Variants in SRGAP2B observed in about 807,000 individuals in gnomAD.
SRGAP2B encodes the protein SLIT-ROBO Rho GTPase activating protein 2B.
A neutral mutation model predicts 22.2 loss-of-function variants in SRGAP2B; 9 were observed. The ratio of observed to expected loss-of-function variants is 0.41; its 90% CI spans 0.24 to 0.71. SRGAP2B has a LOEUF of 0.71. SRGAP2B is among the 30% of genes least tolerant of loss of function. The probability of loss-of-function intolerance (pLI) is 0.35; values close to 1 mark genes in which losing one functional copy is unlikely to be tolerated. For synonymous variants in SRGAP2B, 36 were observed against 87.4 expected (o/e 0.41, Z 3.28); for missense variants, 114 against 235.8 (o/e 0.48, Z 3.38).
At position 144,923,315 on chromosome 1, in the gene SRGAP2B, T is replaced by G. The variant is rs587756392; in HGVS notation, c.424-8561A>C. ...CTTGGCAAATTTCCATCTTTTACCCTTTTGGATAATGATTTGGCTGGGGGC... is the reference window on the plus strand; with the variant it reads ...CTTGGCAAATTTCCATCTTTTACCCGTTTGGATAATGATTTGGCTGGGGGC... On this transcript the variant is annotated intron_variant, in intron 4 of 9. Transcript: ENST00000612199. Among the ~76,000 whole-genome samples the G allele has an allele frequency of 2.9e-4, 44 of 150,928 alleles. 2 individuals carry two copies. The highest frequency in any genetic ancestry group is 1.1e-3 in the African/African-American group (44 of 40,408).
Position 144,971,866 on chromosome 1 carries a change from G to T in SRGAP2B, c.261-16265C>A, listed in dbSNP as rs587651982. 9.6e-4 allele frequency among the ~76,000 whole-genome samples: 145 copies of T among 150,828 alleles called. 9 individuals are homozygous for T. The highest frequency in any genetic ancestry group is 3.4e-3 in the African/African-American group (136 of 40,334). On this transcript the variant is annotated intron_variant, in intron 3 of 9. Coordinates refer to ENST00000612199, the Ensembl canonical transcript of SRGAP2B. ...ATCACACAGACAGTGGTGGAGCAGG[G>T]CAAGAATCCAGGTCTCCTGACTAGT...
At chr1:144,956,814 A>C (rs1388058975) in intron 3 of SRGAP2B, among the ~76,000 whole-genome samples, 1 of 148,842 alleles carries the variant, frequency 6.7e-6, no homozygotes, top group South Asian at 2.1e-4. Flanking sequence ...CTCAGCATTA[A>C]CTTAAGCAAC....
intron 2 of SRGAP2B, among the ~76,000 whole-genome samples, chr1:145,068,554 G>A (rs1228913526): frequency 2.0e-5 from 2 of 101,472 alleles, no homozygotes; most frequent in East Asian, 2.6e-4. Flanking sequence ...AGGCATTTCC[G>A]TAATTAATTA....
At chr1:144,956,086 G>A (rs7523698) in intron 3 of SRGAP2B, among the ~76,000 whole-genome samples, 1 of 149,940 alleles carries the variant, frequency 6.7e-6, no homozygotes, top group Non-Finnish European at 1.5e-5. Flanking sequence ...CAGGTCTAAG[G>A]TGATTCTGAA....
intron 2 of SRGAP2B, among the ~76,000 whole-genome samples, chr1:145,009,164 G>A (rs1416944755): frequency 1.5e-5 from 2 of 135,650 alleles, no homozygotes; most frequent in African/African-American, 3.0e-5. Flanking sequence ...GCGACAGAGC[G>A]AGACTCCGTC....
intron 4 of SRGAP2B, among the ~76,000 whole-genome samples, chr1:144,925,811 A>T (rs1553604962): frequency 7.3e-6 from 1 of 137,314 alleles, no homozygotes; most frequent in African/African-American, 2.8e-5. Context: ...AGAAAGAAAG[A>T]AAGGAATCTA....
At chr1:144,984,362 C>CAACA (rs1338734055) in intron 3 of SRGAP2B, among the ~76,000 whole-genome samples, 1 of 111,086 alleles carries the variant, frequency 9.0e-6, no homozygotes, top group East Asian at 2.3e-4. Flanking sequence ...ACAACAACAA[C>CAACA]AACAAAAAAA....
chr1:144,929,665 A>AT (rs1665031009), intron 4 of SRGAP2B, among the ~76,000 whole-genome samples: 1 of 151,422 alleles, frequency 6.6e-6, no homozygotes, highest in Non-Finnish European at 1.5e-5. Flanking sequence ...GCCAAACATC[A>AT]TAATGAAAAA....
chr1:144,966,950 A>G (rs1668131159), intron 3 of SRGAP2B, among the ~76,000 whole-genome samples: 1 of 142,136 alleles, frequency 7.0e-6, no homozygotes, highest in Non-Finnish European at 1.5e-5. Context: ...ACTATCCTAA[A>G]TATATATGCA....
At position 144,975,357 on chromosome 1, in the gene SRGAP2B, T is replaced by C. The variant is rs587700415; in HGVS notation, c.260+19651A>G. On this transcript the variant is annotated intron_variant, in intron 3 of 9. Transcript: ENST00000612199. ...CTCCAAAACTCATGTTGAAATTTGATTGCAATTGCAAGTGGTATTGAGAGG... is the reference window on the plus strand; with the variant it reads ...CTCCAAAACTCATGTTGAAATTTGACTGCAATTGCAAGTGGTATTGAGAGG... 4.8e-4 allele frequency among the ~76,000 whole-genome samples: 72 copies of C among 149,608 alleles called. 3 individuals are homozygous for C. The highest frequency in any genetic ancestry group is 1.8e-3 in the African/African-American group (70 of 39,168).
chr1:144,988,687 C>T (rs1669938608), intron 3 of SRGAP2B, among the ~76,000 whole-genome samples: 1 of 148,872 alleles, frequency 6.7e-6, no homozygotes, highest in Non-Finnish European at 1.5e-5. Flanking sequence ...CACTTTTACT[C>T]CGAAGATTCT....
At chr1:144,999,223 C>T (rs1230547648) in intron 2 of SRGAP2B, among the ~76,000 whole-genome samples, 2 of 150,314 alleles carry the variant, frequency 1.3e-5, no homozygotes, top group African/African-American at 5.0e-5. Context: ...GGGGTCCTTG[C>T]CAGTTCCTTC....
intron 2 of SRGAP2B, among the ~76,000 whole-genome samples, chr1:145,021,723 A>G (rs1190813033): frequency 6.7e-6 from 1 of 149,420 alleles, no homozygotes; most frequent in East Asian, 1.9e-4. Flanking sequence ...CTGACGCAGG[A>G]GAATCTCTTG....
rs183477571 is a variant in SRGAP2B, at chr1:145,080,694, A to T, written c.67+12141T>A. Among the ~76,000 whole-genome samples the T allele has an allele frequency of 7.2e-3, 1,075 of 148,450 alleles. 20 individuals carry two copies. The highest frequency in any genetic ancestry group is 0.027 in the African/African-American group (1,029 of 38,792). ...GGCTCCCAAGTAGCTAAGATAAATT[A>T]CAGGCGCCCGCCACCATGCCCAGCT... On this transcript the variant is annotated intron_variant, in intron 2 of 9. Coordinates refer to ENST00000612199, the Ensembl canonical transcript of SRGAP2B.
chr1:145,012,117 T>G (rs1672100099), intron 2 of SRGAP2B, among the ~76,000 whole-genome samples: 1 of 149,142 alleles, frequency 6.7e-6, no homozygotes, highest in South Asian at 2.1e-4. Flanking sequence ...CTCTCTATGC[T>G]CTTACCTCAT....
intron 4 of SRGAP2B, among the ~76,000 whole-genome samples, chr1:144,920,959 G>A (rs1171381623): frequency 2.0e-5 from 3 of 149,622 alleles, no homozygotes; most frequent in Middle Eastern, 3.4e-3. Context: ...GAAATGGCTG[G>A]ATTTTAGGGA....
At chr1:145,086,679 C>A in intron 2 of SRGAP2B, among the ~76,000 whole-genome samples, 1 of 84,398 alleles carries the variant, frequency 1.2e-5, no homozygotes, top group Non-Finnish European at 2.3e-5. Context: ...GAGACCCCAT[C>A]TGAAAAAAAA....
chr1:144,942,826 G>C (rs1373942146), intron 4 of SRGAP2B, among the ~76,000 whole-genome samples: 1 of 151,676 alleles, frequency 6.6e-6, no homozygotes, highest in Admixed American at 6.6e-5. Context: ...TGACTGAACT[G>C]GCACCCAATA....
At chr1:144,924,721 A>C (rs1227874799) in intron 4 of SRGAP2B, among the ~76,000 whole-genome samples, 1 of 143,740 alleles carries the variant, frequency 7.0e-6, no homozygotes, top group Non-Finnish European at 1.5e-5. Flanking sequence ...GACAGAGCGA[A>C]ACTCCGTCTC....
Sources: gnomAD v4.1 joint callset for allele counts (sites outside exome capture counted in the v4.1 genomes callset) on GRCh38, gnomAD v4.1.1 for gene constraint, MANE v1.5 for transcripts, NCBI Gene and HGNC (gene_info 2026-07-23, HGNC 2026-07-21) for gene names.